The following C2orf66 variants were observed in gnomAD, a reference collection of about 807,000 sequenced individuals.
The protein encoded by C2orf66 is chromosome 2 open reading frame 66, also known as uncharacterized protein C2orf66.
C2orf66 carries 6 observed loss-of-function variants against 7.0 expected under a neutral mutation model. The observed-to-expected ratio is 0.86, with a 90% CI of 0.47 to 1.69. C2orf66 has a LOEUF of 1.69. C2orf66 is among the 40% of genes most tolerant of loss of function. C2orf66 has a pLI of 0.01. For synonymous variants in C2orf66, 38 were observed against 43.8 expected, an observed-to-expected ratio of 0.87 and a Z score of 0.52; for missense variants, 107 against 112.0, an observed-to-expected ratio of 0.96 and a Z score of 0.20.
At chr2:196,813,778 C>T (rs954640693), upstream of C2orf66, among the ~76,000 whole-genome samples, 3 of 152,228 alleles carry the variant, frequency 2.0e-5, no homozygotes, top group African/African-American at 4.8e-5. Flanking sequence ...TGAACAGACA[C>T]TTCTCAGAAG....
At chr2:196,830,796 C>T in the C2orf66 span, among the ~76,000 whole-genome samples, 1 of 152,150 alleles carries the variant, frequency 6.6e-6, no homozygotes, top group African/African-American at 2.4e-5. Flanking sequence ...TCCTCTAACC[C>T]TCCTGCTGCC....
chr2:196,827,078 G>A, the C2orf66 span, among the ~76,000 whole-genome samples: 1 of 150,346 alleles, frequency 6.7e-6, no homozygotes, highest in Non-Finnish European at 1.5e-5. Context: ...AATTGAGCCT[G>A]GGCAACAAAG....
the C2orf66 span, among the ~76,000 whole-genome samples, chr2:196,820,826 T>C: frequency 0.018 from 2,713 of 152,310 alleles, 88 homozygotes; most frequent in African/African-American, 0.061. Flanking sequence ...AAGATCTATA[T>C]GGCCCAAAGT....
the C2orf66 span, among the ~76,000 whole-genome samples, chr2:196,817,719 G>A: frequency 1.8e-4 from 27 of 152,130 alleles, no homozygotes; most frequent in African/African-American, 5.8e-4. Context: ...CTCCCAGAGC[G>A]GCCATTTATA....
At chr2:196,829,912 A>G in the C2orf66 span, among the ~76,000 whole-genome samples, 2 of 152,146 alleles carry the variant, frequency 1.3e-5, no homozygotes, top group African/African-American at 4.8e-5. Flanking sequence ...AAAACAAACA[A>G]AACAAAAACG....
chr2:196,809,088 T>C, intron 1 of C2orf66, 126 bp downstream of exon 1: 3 of 1,006,604 alleles, frequency 3.0e-6, no homozygotes, highest in Non-Finnish European at 4.4e-6. Context: ...TCCAATCCTG[T>C]TGGAGAATTT....
intron 2 of C2orf66, among the ~76,000 whole-genome samples, chr2:196,806,418 C>T (rs1020830487): frequency 1.3e-5 from 2 of 151,896 alleles, no homozygotes; most frequent in South Asian, 2.1e-4. Flanking sequence ...AGGACGGTCT[C>T]GATTTCCTGA....
intron 1 of C2orf66, among the ~76,000 whole-genome samples, chr2:196,808,931 AT>A (rs1699844490): frequency 6.6e-6 from 1 of 152,222 alleles, no homozygotes; most frequent in Non-Finnish European, 1.5e-5. Context: ...TACAAAGTCA[AT>A]GTGTATATAA....
At chr2:196,825,752 T>G in the C2orf66 span, among the ~76,000 whole-genome samples, 1 of 152,130 alleles carries the variant, frequency 6.6e-6, no homozygotes, top group South Asian at 2.1e-4. Context: ...ATCTAACAAA[T>G]GAAGTTACCA....
At chr2:196,826,968 T>C in the C2orf66 span, among the ~76,000 whole-genome samples, 1 of 151,500 alleles carries the variant, frequency 6.6e-6, no homozygotes, top group Non-Finnish European at 1.5e-5. Context: ...TAGACGGAGG[T>C]TGCAGTGAGC....
Position 196,809,235 on chromosome 2 carries a change from G to A in C2orf66, c.102C>T (p.Asn34=). ...TTACCAGATCTCTGTTTCTGGGGTT[G>A]TTGAGTGGCTTCCATTTGTCCTCAT... is the stretch of plus-strand genomic sequence containing the variant. ...VRNEDKWKPL[N]NPRNRDLFFR... The change falls in exon 1 of 3, where the codon AAC becomes AAT. Residue 34 remains asparagine (N), a synonymous_variant. Transcript: ENST00000342506. 1 of 1,614,082 alleles carries A rather than the reference G, an allele frequency of 6.2e-7. No individual in the cohort carries two copies. Among genetic ancestry groups the A allele is most frequent in the Non-Finnish European group, 8.5e-7 (1 of 1,179,958 alleles).
chr2:196,823,855 T>G, the C2orf66 span, among the ~76,000 whole-genome samples: 2 of 152,154 alleles, frequency 1.3e-5, no homozygotes, highest in African/African-American at 4.8e-5. Context: ...AGCTACAATT[T>G]ATGAATGAAG....
the C2orf66 span, among the ~76,000 whole-genome samples, chr2:196,825,361 A>C: frequency 6.6e-6 from 1 of 152,210 alleles, no homozygotes; most frequent in African/African-American, 2.4e-5. Context: ...CCACAATGAG[A>C]TAACACCTCA....
the C2orf66 span, among the ~76,000 whole-genome samples, chr2:196,815,799 C>A: frequency 6.6e-6 from 1 of 152,142 alleles, no homozygotes; most frequent in Non-Finnish European, 1.5e-5. Context: ...CCTTTTCAAA[C>A]CCTTCTTGTC....
the C2orf66 span, among the ~76,000 whole-genome samples, chr2:196,818,720 C>G: frequency 1.3e-5 from 2 of 152,198 alleles, no homozygotes; most frequent in Admixed American, 1.3e-4. Flanking sequence ...TTCCCAACCC[C>G]TTCTCTCATC....
chr2:196,807,539 A>G lies in C2orf66; in HGVS notation c.207T>C (p.Asn69=). 1 of 1,613,726 alleles carries G rather than the reference A, an allele frequency of 6.2e-7. No individual in the cohort carries two copies. Among genetic ancestry groups the G allele is most frequent in the Non-Finnish European group, 8.5e-7 (1 of 1,179,722 alleles). Residue 69 remains asparagine (N), a synonymous_variant, in exon 2 of 3, where the codon AAT becomes AAC. Transcript: ENST00000342506. ...CTGACTGGAAAGAGAGAGGTCTAGG[A>G]TTTTCATTCGTGGGGAAAGGATTTG... is the stretch of plus-strand genomic sequence containing the variant. The part of the protein sequence containing the change: ...TFPNPFPTNE[N]PRPLSFQSEL...
At chr2:196,828,621 C>T in the C2orf66 span, among the ~76,000 whole-genome samples, 1 of 152,078 alleles carries the variant, frequency 6.6e-6, no homozygotes, top group Non-Finnish European at 1.5e-5. Context: ...TTAATCAACT[C>T]AAAGGGAAAT....
chr2:196,814,034 A>G (rs1366230563), upstream of C2orf66, among the ~76,000 whole-genome samples: 1 of 152,224 alleles, frequency 6.6e-6, no homozygotes, highest in Non-Finnish European at 1.5e-5. Context: ...AGGATCTAGA[A>G]CTAGAAATAC....
chr2:196,820,242 T>G, the C2orf66 span, among the ~76,000 whole-genome samples: 2 of 151,996 alleles, frequency 1.3e-5, no homozygotes, highest in Non-Finnish European at 2.9e-5. Flanking sequence ...AAGCAGTTCT[T>G]ATTTATTTAT....
Sources: allele counts gnomAD v4.1 joint callset (sites outside exome capture counted in the v4.1 genomes callset), GRCh38; gene constraint gnomAD v4.1.1; transcripts MANE v1.5; gene names NCBI Gene and HGNC (gene_info 2026-07-23, HGNC 2026-07-21).